TENM1: variants seen among roughly 807,000 people sequenced by gnomAD.
The protein encoded by TENM1 is teneurin transmembrane protein 1.
A neutral mutation model predicts 174.8 loss-of-function variants in TENM1; 35 were observed. The observed-to-expected ratio is 0.20, with a 90% CI of 0.15 to 0.27. TENM1 has a LOEUF of 0.27. Ranked by LOEUF, TENM1 falls within the 10% of genes least tolerant of loss-of-function variation. The pLI, the probability that TENM1 is intolerant of heterozygous loss-of-function variation, is 1.00. For synonymous variants in TENM1, 781 were observed against 798.7 expected, an observed-to-expected ratio of 0.98 and a Z score of 0.37; for missense variants, 1,633 against 2,130.1, an observed-to-expected ratio of 0.77 and a Z score of 4.59.
chrX:125,033,844 C>T, the TENM1 span, among the ~76,000 whole-genome samples: 7 of 111,573 alleles, frequency 6.3e-5, no homozygotes, highest in African/African-American at 2.3e-4. Context: ...TGTTATTCAT[C>T]TGTACCTCTT....
intron 23 of TENM1, among the ~76,000 whole-genome samples, chrX:124,447,583 G>T (rs903212347): frequency 2.7e-5 from 3 of 112,050 alleles, no homozygotes; most frequent in African/African-American, 9.7e-5. Context: ...AGGCGTTAAT[G>T]CTGTGAAATC....
chrX:124,396,475 T>G (rs975834162), intron 27 of TENM1, among the ~76,000 whole-genome samples: 1 of 109,408 alleles, frequency 9.1e-6, no homozygotes, highest in Non-Finnish European at 1.9e-5. Flanking sequence ...CTAATTTTTT[T>G]GTATTTTTAG....
chrX:124,807,799 ACC>A (rs758472461), intron 3 of TENM1, among the ~76,000 whole-genome samples: 36 of 109,903 alleles, frequency 3.3e-4, no homozygotes, highest in African/African-American at 1.2e-3. Context: ...GTATCATGGT[ACC>A]CACACAGCAA....
intron 1 of TENM1, among the ~76,000 whole-genome samples, chrX:124,901,064 T>C (rs2057655220): frequency 9.0e-6 from 1 of 111,340 alleles, no homozygotes; most frequent in South Asian, 3.8e-4. Context: ...AGTACTGGGA[T>C]TACAGGCATG....
At chrX:125,163,604 C>G in the TENM1 span, among the ~76,000 whole-genome samples, 1 of 111,319 alleles carries the variant, frequency 9.0e-6, no homozygotes, top group Admixed American at 9.6e-5. Context: ...ATGGTTTTAA[C>G]AAACACACTG....
At position 124,392,036 on chromosome X, in the gene TENM1, T is replaced by A; in HGVS notation, c.5688+16A>T. ...TTCAGAAACTTGAAACTTGTCTTTT[T>A]CCCCTATGTACTTACTTTTTCTAAG... On this transcript the variant is annotated intron_variant, in intron 28 of 31. Transcript: ENST00000422452. 3.4e-6 allele frequency: 4 copies of A among 1,164,902 alleles called. No homozygotes were observed. Among genetic ancestry groups the A allele is most frequent in the Non-Finnish European group, 3.5e-6 (3 of 868,792 alleles).
chrX:124,822,910 ATCTTATG>A (rs1479469280), intron 3 of TENM1, among the ~76,000 whole-genome samples: 1 of 112,157 alleles, frequency 8.9e-6, no homozygotes, highest in Non-Finnish European at 1.9e-5. Context: ...CAATCCTGCT[ATCTTATG>A]TCTTATGTTT....
the TENM1 span, among the ~76,000 whole-genome samples, chrX:125,065,848 G>A: frequency 8.9e-6 from 1 of 111,849 alleles, no homozygotes; most frequent in African/African-American, 3.2e-5. Context: ...GATGATGTGG[G>A]TGATGTGAGC....
chrX:124,723,436 T>C (rs2053364711), intron 4 of TENM1, among the ~76,000 whole-genome samples: 1 of 111,297 alleles, frequency 9.0e-6, no homozygotes, highest in African/African-American at 3.3e-5. Context: ...GAACTCCTAA[T>C]ACATAAGTGT....
At chrX:124,765,210 C>G (rs1646835963) in intron 3 of TENM1, among the ~76,000 whole-genome samples, 1 of 111,913 alleles carries the variant, frequency 8.9e-6, no homozygotes, top group African/African-American at 3.2e-5. Flanking sequence ...AATTCACAAA[C>G]TCCTGCTGCT....
At chrX:124,485,434 AATTTT>A (rs1424606068) in intron 21 of TENM1, among the ~76,000 whole-genome samples, 1 of 111,191 alleles carries the variant, frequency 9.0e-6, no homozygotes, top group East Asian at 2.8e-4. Flanking sequence ...TATATAGTTA[AATTTT>A]TGCCTTCAGA....
the TENM1 span, among the ~76,000 whole-genome samples, chrX:125,147,703 C>T: frequency 1.8e-5 from 2 of 111,375 alleles, no homozygotes; most frequent in East Asian, 5.7e-4. Context: ...TGGTACCACA[C>T]CTGACCTGCC....
intron 1 of TENM1, among the ~76,000 whole-genome samples, chrX:124,963,216 A>G (rs1319505240): frequency 2.7e-5 from 3 of 112,445 alleles, no homozygotes; most frequent in African/African-American, 9.7e-5. Context: ...TGGCTTGAAA[A>G]GCACTTAGCT....
rs191560110 is a variant in TENM1 at position 124,698,090 on chromosome X, C to T, written c.1015+6923G>A. ...TTTCTTCCAATCTTTCTAGTTGTTT[C>T]TTCATAGTCTGCTTAGCAGATTCCT... On this transcript the variant is annotated intron_variant, in intron 5 of 31. Coordinates refer to ENST00000422452, the Ensembl canonical transcript of TENM1. 3.6e-3 allele frequency among the ~76,000 whole-genome samples: 396 copies of T among 111,398 alleles called. 3 individuals are homozygous for T. The highest frequency in any genetic ancestry group is 6.4e-3 in the Admixed American group (67 of 10,465).
chrX:124,939,466 T>C (rs868243448), intron 1 of TENM1, among the ~76,000 whole-genome samples: 1 of 111,597 alleles, frequency 9.0e-6, no homozygotes, highest in Non-Finnish European at 1.9e-5. Flanking sequence ...TTTCTGCACC[T>C]GGACTGATAA....
At chrX:125,027,893 A>C in the TENM1 span, among the ~76,000 whole-genome samples, 1 of 111,947 alleles carries the variant, frequency 8.9e-6, no homozygotes, top group Non-Finnish European at 1.9e-5. Flanking sequence ...CCTCACAAGC[A>C]ATCAGTGGAA....
At chrX:124,968,173 TATTA>T (rs769331236), upstream of TENM1, among the ~76,000 whole-genome samples, 135 of 111,698 alleles carry the variant, frequency 1.2e-3, 1 homozygote, top group Middle Eastern at 0.014. Flanking sequence ...AAATTAAATC[TATTA>T]ATTAAAATAC....
the TENM1 span, among the ~76,000 whole-genome samples, chrX:125,130,090 C>T: frequency 9.0e-6 from 1 of 111,156 alleles, no homozygotes; most frequent in Non-Finnish European, 1.9e-5. Flanking sequence ...CTCAATAATC[C>T]TATGAATAGG....
chrX:124,695,648 A>G (rs1198667001), intron 5 of TENM1, among the ~76,000 whole-genome samples: 4 of 111,841 alleles, frequency 3.6e-5, no homozygotes, highest in Non-Finnish European at 7.5e-5. Flanking sequence ...TATAAAAAAG[A>G]ACTATATTCT....
Sources: gnomAD v4.1 joint callset for allele counts (sites outside exome capture counted in the v4.1 genomes callset) on GRCh38, gnomAD v4.1.1 for gene constraint, MANE v1.5 for transcripts, NCBI Gene and HGNC (gene_info 2026-07-23, HGNC 2026-07-21) for gene names.